Variants in BCORL1 observed in about 807,000 individuals in gnomAD.
The protein encoded by BCORL1 is BCL-6 corepressor-like protein 1.
Under a neutral mutation model 87.6 loss-of-function variants are expected in BCORL1, and 7 were observed. That is an observed-to-expected ratio of 0.08 (90% CI 0.05 to 0.15). The LOEUF is 0.15. Ranked by LOEUF, BCORL1 falls within the 10% of genes least tolerant of loss-of-function variation. BCORL1 has a pLI of 1.00. For synonymous variants in BCORL1, 591 were observed against 634.4 expected, an observed-to-expected ratio of 0.93 and a Z score of 1.03; for missense variants, 1,215 against 1,499.7, an observed-to-expected ratio of 0.81 and a Z score of 3.13.
intron 2 of BCORL1, chrX:130,010,581 C>T (rs901078569): frequency 9.0e-6 from 1 of 111,245 alleles, no homozygotes; most frequent in Non-Finnish European, 1.9e-5. Flanking sequence ...CTTTCCCCCT[C>T]GGTTAGCCCC....
In BCORL1 at chrX:130,013,184, G is replaced by C. The variant is rs760915291; in HGVS notation, c.412G>C (p.Asp138His). 1 of 1,210,552 alleles carries C rather than the reference G, an allele frequency of 8.3e-7. No homozygotes were observed. The highest frequency in any genetic ancestry group is 1.1e-6 in the Non-Finnish European group (1 of 895,303). Residue 138 changes from aspartate (D) to histidine (H), a missense_variant, in exon 4 of 14, where the codon GAC becomes CAC. Physicochemically the swap from Asp to His is moderately conservative, Grantham distance 81 (BLOSUM62 -1). Coordinates refer to ENST00000540052, the MANE Select transcript of BCORL1 (RefSeq NM_001379451.1). ...DSAEASNSRADCSWTPLNTQM... is the reference protein window; with the variant it reads ...DSAEASNSRAHCSWTPLNTQM... ...CGCCGAGGCCAGCAACAGCAGGGCC[G>C]ACTGCTCCTGGACTCCACTCAACAC...
intron 2 of BCORL1, among the ~76,000 whole-genome samples, chrX:130,006,245 A>G (rs761906742): frequency 9.0e-6 from 1 of 111,558 alleles, no homozygotes; most frequent in African/African-American, 3.3e-5. Context: ...AAGATGTGCC[A>G]TTGCCTGATC....
chrX:129,996,235 CCCT>C (rs973088623), intron 1 of BCORL1, among the ~76,000 whole-genome samples: 1 of 111,350 alleles, frequency 9.0e-6, no homozygotes, highest in Non-Finnish European at 1.9e-5. Context: ...ACTGACCCAG[CCCT>C]CCTCCTTAAA....
Position 130,013,298 on chromosome X carries a change from T to C in BCORL1, c.526T>C (p.Leu176=), listed in dbSNP as rs758649810. 2.5e-5 allele frequency: 30 copies of C among 1,210,481 alleles called. No individual in the cohort carries two copies. Among genetic ancestry groups the C allele is most frequent in the Non-Finnish European group, 3.2e-5 (29 of 895,300 alleles). ...QGVGEKNTFI[L]ATLGTGVPVE... ...TGTTGGAGAGAAGAATACTTTCATT[T>C]TGGCAACTCTGGGAACTGGAGTCCC... The change falls in exon 4 of 14, where the codon TTG becomes CTG. Residue 176 remains leucine (L), a synonymous_variant. Transcript: ENST00000540052.
At chrX:130,047,863 T>G (rs1931852119) in intron 11 of BCORL1, among the ~76,000 whole-genome samples, 1 of 111,664 alleles carries the variant, frequency 9.0e-6, no homozygotes, top group African/African-American at 3.3e-5. Flanking sequence ...TTAGAACTTA[T>G]GCTCTCACTC....
At chrX:130,008,919 T>C (rs1167641617) in intron 2 of BCORL1, among the ~76,000 whole-genome samples, 1 of 111,788 alleles carries the variant, frequency 8.9e-6, no homozygotes, top group Non-Finnish European at 1.9e-5. Flanking sequence ...TTGCATCCCT[T>C]CTAGGATTAA....
intron 11 of BCORL1, among the ~76,000 whole-genome samples, chrX:130,043,779 TATATA>T (rs1276730380): frequency 2.0e-4 from 5 of 24,665 alleles, no homozygotes; most frequent in Admixed American, 5.7e-4. Context: ...TATATATATA[TATATA>T]TTTTTTTTTT....
chrX:130,001,687 G>A (rs1402003999), intron 1 of BCORL1, among the ~76,000 whole-genome samples: 1 of 110,077 alleles, frequency 9.1e-6, no homozygotes, highest in Non-Finnish European at 1.9e-5. Flanking sequence ...GGTGTGTTTA[G>A]GAAGGGTTGG....
intron 11 of BCORL1, 118 bp downstream of exon 11, chrX:130,039,400 C>A: frequency 1.1e-6 from 1 of 882,990 alleles, no homozygotes; most frequent in Admixed American, 3.1e-5. Flanking sequence ...GGGCCATCTG[C>A]CCTCTTCACC....
Position 129,986,749 on chromosome X carries a change from G to T in BCORL1, c.-45+3987G>T, listed in dbSNP as rs186480548. On this transcript the variant is annotated intron_variant, in intron 1 of 13. Coordinates refer to ENST00000540052, the MANE Select transcript of BCORL1 (RefSeq NM_001379451.1). ...CACAAGAATTGCTTGAACCTGGGAG[G>T]TGGAGGTTGCAGTGTGCCAAGATCG... Among the ~76,000 whole-genome samples the T allele has an allele frequency of 7.5e-3, 834 of 111,810 alleles. 12 individuals carry two copies. Among genetic ancestry groups the T allele is most frequent in the African/African-American group, 0.025 (784 of 30,754 alleles).
At chrX:130,022,867 C>T (rs756262742) in intron 5 of BCORL1, 30 bp from the exon 6 acceptor site, 2 of 1,175,300 alleles carry the variant, frequency 1.7e-6, no homozygotes, top group Non-Finnish European at 2.3e-6. Context: ...ACATTTCTGC[C>T]TTCTGTCCCC....
chrX:130,048,321 G>A (rs1931876666), intron 11 of BCORL1, among the ~76,000 whole-genome samples: 3 of 111,795 alleles, frequency 2.7e-5, no homozygotes, highest in Admixed American at 1.9e-4. Context: ...CTTTCTGGGG[G>A]GCACCCTCAC....
rs757674715 is a variant in BCORL1 at position 130,028,697 on chromosome X, A to G, written c.4141A>G (p.Arg1381Gly). The G allele has an allele frequency of 9.9e-6, 12 of 1,211,410 alleles. No homozygotes were observed. In the South Asian group the frequency reaches 1.4e-4, roughly 14 times the overall value. Reference sequence around the variant, plus strand: ...AAGTTTGGAGCACCGCCTCAGGAACAGGAACCTTCTCTTGCCCAACAAAGT... The same window carrying G: ...AAGTTTGGAGCACCGCCTCAGGAACGGGAACCTTCTCTTGCCCAACAAAGT... Reference protein sequence around the residue: ...SQSLEHRLRNRNLLLPNKVQG... With the variant: ...SQSLEHRLRNGNLLLPNKVQG... The change falls in exon 8 of 14, where the codon AGG becomes GGG. Residue 1381 changes from arginine (R) to glycine (G), a missense_variant. This residue lies in a region of BCORL1 where 166 missense variants were observed against 196.5 expected (regional missense o/e 0.84). Coordinates refer to ENST00000540052, the MANE Select transcript of BCORL1 (RefSeq NM_001379451.1).
intron 6 of BCORL1, among the ~76,000 whole-genome samples, chrX:130,023,464 C>G (rs1469317683): frequency 1.8e-5 from 2 of 111,892 alleles, no homozygotes; most frequent in Non-Finnish European, 3.8e-5. Context: ...CCTCTAGGGA[C>G]TAAAAAAAGC....
chrX:130,027,182 A>G (rs953204361), intron 7 of BCORL1, among the ~76,000 whole-genome samples: 2 of 112,891 alleles, frequency 1.8e-5, no homozygotes, highest in Non-Finnish European at 3.7e-5. Flanking sequence ...AGCATTGAAC[A>G]CTGTAATATG....
chrX:130,035,565 C>G (rs1055040233), intron 9 of BCORL1, among the ~76,000 whole-genome samples: 1 of 112,089 alleles, frequency 8.9e-6, no homozygotes. Context: ...TTGTTTCACA[C>G]CAGCCACACT....
At chrX:130,053,544 G>A (rs1222954100) in intron 13 of BCORL1, among the ~76,000 whole-genome samples, 2 of 112,012 alleles carry the variant, frequency 1.8e-5, no homozygotes, top group African/African-American at 6.5e-5. Flanking sequence ...TCTGCATTAG[G>A]TGCAGACAGA....
intron 9 of BCORL1, 148 bp from the exon 10 acceptor site, chrX:130,037,219 T>C (rs1931006026): frequency 3.4e-6 from 2 of 580,551 alleles, no homozygotes; most frequent in East Asian, 3.6e-5. Context: ...AGGACTGATG[T>C]TGTTAATGAA....
intron 1 of BCORL1, among the ~76,000 whole-genome samples, chrX:129,986,774 G>C (rs903649856): frequency 9.0e-6 from 1 of 111,468 alleles, no homozygotes; most frequent in African/African-American, 3.3e-5. Context: ...TGCCAAGATC[G>C]TGCCACTGCA....
Sources: gnomAD v4.1 joint callset for allele counts (sites outside exome capture counted in the v4.1 genomes callset) on GRCh38, gnomAD v4.1.1 for gene constraint, gnomAD v4.1.1 regional missense constraint, MANE v1.5 for transcripts, NCBI Gene and HGNC (gene_info 2026-07-23, HGNC 2026-07-21) for gene names.